NDUFA9: variants seen among roughly 807,000 people sequenced by gnomAD.
NDUFA9 encodes NADH dehydrogenase [ubiquinone] 1 alpha subcomplex subunit 9, mitochondrial.
Under a neutral mutation model 45.9 loss-of-function variants are expected in NDUFA9, and 23 were observed. The observed-to-expected ratio is 0.50, with a 90% CI of 0.36 to 0.71. NDUFA9 has a LOEUF of 0.71. Ranked by LOEUF, NDUFA9 falls within the 30% of genes least tolerant of loss-of-function variation. The probability of loss-of-function intolerance (pLI) is 0.00; values close to 1 mark genes in which losing one functional copy is unlikely to be tolerated. For synonymous variants in NDUFA9, 176 were observed against 170.5 expected, an observed-to-expected ratio of 1.03 and a Z score of -0.25; for missense variants, 466 against 488.2, an observed-to-expected ratio of 0.95 and a Z score of 0.43.
intron 7 of NDUFA9, 34 bp from the exon 8 acceptor site, chr12:4,669,707 C>T (rs777188489): frequency 8.9e-6 from 12 of 1,352,270 alleles, no homozygotes; most frequent in South Asian, 1.2e-5. Context: ...TCTTTTTCAA[C>T]AATTACTTAG....
At chr12:4,656,179 T>C (rs1945789468) in intron 3 of NDUFA9, among the ~76,000 whole-genome samples, 1 of 152,244 alleles carries the variant, frequency 6.6e-6, no homozygotes, top group Non-Finnish European at 1.5e-5. Context: ...CTTGACTCAG[T>C]GTTCACAAGC....
chr12:4,664,072 C>T (rs1565567392), intron 6 of NDUFA9, among the ~76,000 whole-genome samples: 2 of 152,056 alleles, frequency 1.3e-5, no homozygotes, highest in South Asian at 2.1e-4. Context: ...TGGTTCCTCC[C>T]GACTGCTTAC....
In NDUFA9 at chr12:4,654,285, G is replaced by A. The variant is rs761352178; in HGVS notation, c.50-7G>A. 1 of 1,609,370 alleles carries A rather than the reference G, an allele frequency of 6.2e-7. No individual in the cohort carries two copies. The highest frequency in any genetic ancestry group is 8.5e-7 in the Non-Finnish European group (1 of 1,176,636). On this transcript the variant is annotated splice_region_variant and splice_polypyrimidine_tract_variant and intron_variant, in intron 1 of 10. Transcript: ENST00000266544. ...CCATGCTTGTATACTTTGGGGTTTT[G>A]TTTAAGGTTCTGCCATTACTGCAAT...
rs79256293 is a variant in NDUFA9, at chr12:4,687,444, C to A, written c.*336C>A. 0.025 allele frequency: 4,478 copies of A among 175,986 alleles called. 215 individuals are homozygous for A. The highest frequency in any genetic ancestry group is 0.1 in the African/African-American group (4,227 of 42,400). 10.9% of individuals were successfully genotyped at this position (175,986 alleles called of 1,614,324 possible). A position where few individuals can be genotyped will look rare whatever the true frequency, so the allele number is the denominator to read the frequency against. The stretch of plus-strand genomic sequence containing the variant: ...TTAATGTCAAAGTATTGTAAAGACC[C>A]CAAGTGATATGTGATTGTTTTTTAA... On this transcript the variant is annotated 3_prime_UTR_variant, in exon 11 of 11. Transcript: ENST00000266544.
At chr12:4,683,332 T>G (rs1296455115) in intron 9 of NDUFA9, among the ~76,000 whole-genome samples, 1 of 152,192 alleles carries the variant, frequency 6.6e-6, no homozygotes, top group Non-Finnish European at 1.5e-5. Context: ...GTGGTCTGGT[T>G]AAGGAGACTG....
chr12:4,676,064 C>G (rs1945917944), intron 8 of NDUFA9, among the ~76,000 whole-genome samples: 1 of 152,178 alleles, frequency 6.6e-6, no homozygotes, highest in South Asian at 2.1e-4. Context: ...TCAATAGATG[C>G]AGAAGGCCTT....
intron 7 of NDUFA9, among the ~76,000 whole-genome samples, chr12:4,669,448 C>G (rs1002812450): frequency 3.3e-5 from 5 of 152,172 alleles, no homozygotes; most frequent in African/African-American, 1.2e-4. Flanking sequence ...TAAGTGCATT[C>G]CTACTACAGA....
Position 4,687,241 on chromosome 12 carries a change from G to A in NDUFA9, c.*133G>A, listed in dbSNP as rs1218300348. On this transcript the variant is annotated 3_prime_UTR_variant, in exon 11 of 11. Coordinates refer to ENST00000266544, the MANE Select transcript of NDUFA9 (RefSeq NM_005002.5). ...AAAACATTTCAGGTTGAATTCTGCAGTATTTTCTTCCTTGATTTACAAAAT... is the reference window on the plus strand; with the variant it reads ...AAAACATTTCAGGTTGAATTCTGCAATATTTTCTTCCTTGATTTACAAAAT... 1.3e-6 allele frequency: 1 copy of A among 791,354 alleles called. No individual in the cohort carries two copies. The highest frequency in any genetic ancestry group is 1.9e-6 in the Non-Finnish European group (1 of 532,422). 49.0% of individuals were successfully genotyped at this position (791,354 alleles called of 1,614,324 possible).
chr12:4,687,128 G>A lies in NDUFA9; in HGVS notation c.*20G>A. 6.2e-7 allele frequency: 1 copy of A among 1,612,432 alleles called. No individual in the cohort carries two copies. Among genetic ancestry groups the A allele is most frequent in the Non-Finnish European group, 8.5e-7 (1 of 1,178,808 alleles). Reference sequence around the variant, plus strand: ...ATTTAGTGCCTCCTGAGCAGCTCTTGGTTTTGGCGTCTTTTGGGTCGGCCC... The same window carrying A: ...ATTTAGTGCCTCCTGAGCAGCTCTTAGTTTTGGCGTCTTTTGGGTCGGCCC... On this transcript the variant is annotated 3_prime_UTR_variant, in exon 11 of 11. Transcript: ENST00000266544.
intron 8 of NDUFA9, among the ~76,000 whole-genome samples, chr12:4,676,169 C>T (rs1250714294): frequency 6.6e-6 from 1 of 152,144 alleles, no homozygotes; most frequent in Non-Finnish European, 1.5e-5. Context: ...TTATGACAAA[C>T]CCACAGCCAA....
At chr12:4,685,519 T>C (rs1945980575) in intron 10 of NDUFA9, among the ~76,000 whole-genome samples, 194 bp downstream of exon 10, 1 of 152,130 alleles carries the variant, frequency 6.6e-6, no homozygotes, top group South Asian at 2.1e-4. Context: ...TTTCTGTCCG[T>C]CATTATCAGT....
Position 4,686,925 on chromosome 12 carries a change from TG to T in NDUFA9, c.964-12del, listed in dbSNP as rs1386615128. 1.2e-6 allele frequency: 2 copies of T among 1,612,444 alleles called. No homozygotes were observed. The highest frequency in any genetic ancestry group is 2.7e-5 in the African/African-American group (2 of 74,916). The stretch of plus-strand genomic sequence containing the variant: ...GTTTTCAGCATTGTCTGTGGTCCTT[TG>T]TTTATCCAAAGATGCACATCACAGA... On this transcript the variant is annotated splice_polypyrimidine_tract_variant and intron_variant, in intron 10 of 10. Transcript: ENST00000266544.
rs1946021229 is a variant in NDUFA9, at chr12:4,692,029, T to C, written c.*4921T>C. ...TCCCCTGGGTCCTTGAGAAAGACAG[T>C]CCTGGGTTGTAAAACTGGCAAGAGG... On this transcript the variant is annotated 3_prime_UTR_variant, in exon 11 of 11. Transcript: ENST00000266544. The C allele has an allele frequency of 6.6e-6, 1 of 152,170 alleles. No homozygotes were observed. Among genetic ancestry groups the C allele is most frequent in the South Asian group, 2.1e-4 (1 of 4,826 alleles). 9.4% of individuals were successfully genotyped at this position (152,170 alleles called of 1,614,324 possible).
rs766595137 is a variant in NDUFA9, at chr12:4,691,091, C to T, written c.*3983C>T. 2 of 152,190 alleles carry T rather than the reference C, an allele frequency of 1.3e-5. No individual in the cohort carries two copies. The highest frequency in any genetic ancestry group is 2.9e-5 in the Non-Finnish European group (2 of 68,046). 9.4% of individuals were successfully genotyped at this position (152,190 alleles called of 1,614,324 possible). On this transcript the variant is annotated 3_prime_UTR_variant, in exon 11 of 11. Coordinates refer to ENST00000266544, the MANE Select transcript of NDUFA9 (RefSeq NM_005002.5). ...TTGGCTTCGAATATGAGTTCCACTA[C>T]TTCTTAGTTGTGAGATTGGACAAGT...
chr12:4,682,404 C>T (rs1945959009), intron 9 of NDUFA9, 104 bp downstream of exon 9: 2 of 649,726 alleles, frequency 3.1e-6, no homozygotes, highest in African/African-American at 1.8e-5. Flanking sequence ...GGGCTGGTCT[C>T]CAGATCTCCT....
intron 6 of NDUFA9, 148 bp downstream of exon 6, chr12:4,662,783 T>C (rs753229318): frequency 7.0e-6 from 4 of 570,192 alleles, no homozygotes; most frequent in Non-Finnish European, 9.3e-6. Context: ...TATATTTTCA[T>C]AGTCAATGTA....
rs1565573807 is a variant in NDUFA9 at position 4,687,071 on chromosome 12, T to C, written c.1097T>C (p.Ile366Thr). 3 of 1,614,026 alleles carry C rather than the reference T, an allele frequency of 1.9e-6. No homozygotes were observed. Among genetic ancestry groups the C allele is most frequent in the Admixed American group, 1.7e-5 (1 of 59,998 alleles). Residue 366 changes from isoleucine (I) to threonine (T), a missense_variant, in exon 11 of 11, where the codon ATT becomes ACT. Coordinates refer to ENST00000266544, the MANE Select transcript of NDUFA9 (RefSeq NM_005002.5). ...HRTYRWLSAEIEDVKPAKTVN... is the reference protein window; with the variant it reads ...HRTYRWLSAETEDVKPAKTVN... ...ACTTACCGCTGGCTGTCTGCTGAAA[T>C]TGAGGATGTGAAGCCGGCCAAGACC...
At chr12:4,681,647 A>T (rs986511307) in intron 8 of NDUFA9, among the ~76,000 whole-genome samples, 3 of 150,384 alleles carry the variant, frequency 2.0e-5, no homozygotes, top group Non-Finnish European at 4.4e-5. Flanking sequence ...ATAAATTGAT[A>T]GAACCATTTT....
At chr12:4,670,825 A>G (rs903459612) in intron 8 of NDUFA9, among the ~76,000 whole-genome samples, 1 of 152,228 alleles carries the variant, frequency 6.6e-6, no homozygotes, top group Non-Finnish European at 1.5e-5. Context: ...AAAATACTAC[A>G]CAAAAGACAT....
Sources: gnomAD v4.1 joint callset for allele counts (sites outside exome capture counted in the v4.1 genomes callset) on GRCh38, gnomAD v4.1.1 for gene constraint, MANE v1.5 for transcripts, NCBI Gene and HGNC (gene_info 2026-07-23, HGNC 2026-07-21) for gene names.